The following GATB variants were observed in gnomAD, a reference collection of about 807,000 sequenced individuals.
GATB encodes the protein glutamyl-tRNA amidotransferase subunit B, also known as glutamyl-tRNA(Gln) amidotransferase subunit B, mitochondrial.
Under a neutral mutation model 62.3 loss-of-function variants are expected in GATB, and 39 were observed. The ratio of observed to expected loss-of-function variants is 0.63; its 90% CI spans 0.48 to 0.82. The LOEUF (loss-of-function observed/expected upper bound fraction) is 0.82. GATB is among the 40% of genes least tolerant of loss of function. The pLI is 0.00. For synonymous variants in GATB, 276 were observed against 258.9 expected (o/e 1.07, Z -0.63); for missense variants, 670 against 684.0 (o/e 0.98, Z 0.23).
At position 151,758,787 on chromosome 4, in the gene GATB, T is replaced by C; in HGVS notation, c.312A>G (p.Leu104=). ...NSLVSFFDAS[L]PGTLPVLNRR... is the part of the protein sequence containing the mutation. ...AGAATCTTACCGGCAAAGTTCCAGGTAGAGATGCATCAAAAAAAGAAACCA... is the reference window on the plus strand; with the variant it reads ...AGAATCTTACCGGCAAAGTTCCAGGCAGAGATGCATCAAAAAAAGAAACCA... The change falls in exon 2 of 13, where the codon CTA becomes CTG. Residue 104 remains leucine, a synonymous_variant. Coordinates refer to ENST00000263985, the MANE Select transcript of GATB (RefSeq NM_004564.3). 6.3e-7 allele frequency: 1 copy of C among 1,599,742 alleles called. No homozygotes were observed. Among genetic ancestry groups the C allele is most frequent in the South Asian group, 1.1e-5 (1 of 87,348 alleles).
At chr4:151,709,836 G>A (rs979914222) in intron 5 of GATB, among the ~76,000 whole-genome samples, 10 of 152,052 alleles carry the variant, frequency 6.6e-5, no homozygotes, top group Non-Finnish European at 8.8e-5. Flanking sequence ...AGCTCCTACC[G>A]GATTATCTGG....
intron 2 of GATB, among the ~76,000 whole-genome samples, chr4:151,747,243 C>A (rs1739620561): frequency 6.6e-6 from 1 of 152,064 alleles, no homozygotes; most frequent in African/African-American, 2.4e-5. Context: ...GGCCATGAGC[C>A]CATGTGATAG....
rs1560870298 is a variant in GATB at position 151,760,921 on chromosome 4, T to C, written c.62A>G (p.Asp21Gly). The change falls in exon 1 of 13, where the codon GAC (aspartate) becomes GGC (glycine). Residue 21 changes from aspartate to glycine, a missense_variant. Transcript: ENST00000263985. ...RGRRWAFARV[D>G]GGSCHRRGAP... ...CCCTCTTCGGTGGCAAGAACCACCG[T>C]CAACCCGGGCGAAAGCCCAACGTCT... The C allele has an allele frequency of 3.1e-6, 5 of 1,613,902 alleles. No individual in the cohort carries two copies. Among genetic ancestry groups the C allele is most frequent in the Non-Finnish European group, 4.2e-6 (5 of 1,179,962 alleles).
At chr4:151,706,226 A>C (rs889803245) in intron 6 of GATB, among the ~76,000 whole-genome samples, 2 of 152,210 alleles carry the variant, frequency 1.3e-5, no homozygotes, top group Non-Finnish European at 2.9e-5. Flanking sequence ...AATTGAACCC[A>C]TAGTAAAGCT....
chr4:151,740,158 C>A (rs961620706), intron 2 of GATB, among the ~76,000 whole-genome samples: 1 of 152,210 alleles, frequency 6.6e-6, no homozygotes, highest in Admixed American at 6.5e-5. Flanking sequence ...GGTTCTGACT[C>A]AAGACAGGAA....
rs762959415 is a variant in GATB at position 151,761,000 on chromosome 4, G to T, written c.-18C>A. On this transcript the variant is annotated 5_prime_UTR_variant, in exon 1 of 13. Coordinates refer to ENST00000263985, the MANE Select transcript of GATB (RefSeq NM_004564.3). ...GCCGCCATTGTAACTCCAGGGTCTT[G>T]GTCAGGTGACTCAGCCTCACTATGC... 1 of 1,596,654 alleles carries T rather than the reference G, an allele frequency of 6.3e-7. No homozygotes were observed.
At chr4:151,682,687 C>T (rs1438265691) in intron 10 of GATB, among the ~76,000 whole-genome samples, 2 of 151,972 alleles carry the variant, frequency 1.3e-5, no homozygotes, top group Non-Finnish European at 2.9e-5. Flanking sequence ...TCTACAACCA[C>T]CCCCGACCCC....
chr4:151,673,768 C>CG (rs1560838531), intron 11 of GATB: 1 of 152,174 alleles, frequency 6.6e-6, no homozygotes, highest in Admixed American at 6.5e-5. Context: ...AATTGGGAGC[C>CG]GGGAGGAGGG....
At chr4:151,756,739 T>C (rs964035929) in intron 2 of GATB, among the ~76,000 whole-genome samples, 2 of 152,230 alleles carry the variant, frequency 1.3e-5, no homozygotes, top group East Asian at 3.8e-4. Flanking sequence ...TTTTGGTGCA[T>C]GACAAGTTTT....
chr4:151,751,800 A>G (rs1560867162), intron 2 of GATB, among the ~76,000 whole-genome samples: 1 of 152,078 alleles, frequency 6.6e-6, no homozygotes. Flanking sequence ...TTATGTACCT[A>G]TTGCTCATTC....
Position 151,697,975 on chromosome 4 carries a change from A to G in GATB, c.1197+3354T>C, listed in dbSNP as rs866840692. Among the ~76,000 whole-genome samples the G allele has an allele frequency of 1.1e-3, 141 of 125,576 alleles. 5 individuals are homozygous for G. Among genetic ancestry groups the G allele is most frequent in the African/African-American group, 2.7e-3 (76 of 28,268 alleles). The allele number at this position is 125,576 out of a possible 152,430, so 82.4% of individuals were successfully genotyped here. On this transcript the variant is annotated intron_variant, in intron 9 of 12. Transcript: ENST00000263985. Reference sequence around the variant, plus strand: ...TGTGTATATATATATATATATATATATATATATATATATATATATGAAATG... The same window carrying G: ...TGTGTATATATATATATATATATATGTATATATATATATATATATGAAATG...
intron 5 of GATB, among the ~76,000 whole-genome samples, chr4:151,714,435 C>A (rs114633176): frequency 0.013 from 1,929 of 152,340 alleles, 40 homozygotes; most frequent in African/African-American, 0.044. Flanking sequence ...CCTGCAGACT[C>A]CAGGCAGACC....
rs1737828099 is a variant in GATB, at chr4:151,670,508, T to TTTAA, written c.*662_*665dup. 1 of 152,216 alleles carries TTTAA rather than the reference T, an allele frequency of 6.6e-6. No individual in the cohort carries two copies. Among genetic ancestry groups the TTTAA allele is most frequent in the Non-Finnish European group, 1.5e-5 (1 of 68,038 alleles). The allele number at this position is 152,216 out of a possible 1,614,324, so 9.4% of individuals were successfully genotyped here. The stretch of plus-strand genomic sequence containing the variant: ...TTAAATTTATTGGAAAACTTATTTT[T>TTTAA]TTAATTCATTTATTCTCAGACTGTG... On this transcript the variant is annotated 3_prime_UTR_variant, in exon 13 of 13. Transcript: ENST00000263985.
rs530893706 is a variant in GATB, at chr4:151,753,930, T to A, written c.327+4842A>T. 4.6e-5 allele frequency among the ~76,000 whole-genome samples: 7 copies of A among 152,312 alleles called. No individual in the cohort carries two copies. In the South Asian group the frequency reaches 1.5e-3, roughly 32 times the overall value. On this transcript the variant is annotated intron_variant, in intron 2 of 12. Transcript: ENST00000263985. ...CACTTCTTCCTCCATGCCATGACAT[T>A]TCTCAATCCACTGCCACCTACCTTC...
At position 151,758,793 on chromosome 4, in the gene GATB, T is replaced by C. The variant is rs1739890191; in HGVS notation, c.306A>G (p.Ala102=). Residue 102 remains alanine (A), a synonymous_variant, in exon 2 of 13, where the codon GCA becomes GCG. Transcript: ENST00000263985. ...PPNSLVSFFD[A]SLPGTLPVLN... ...TTACCGGCAAAGTTCCAGGTAGAGA[T>C]GCATCAAAAAAAGAAACCAAAGAAT... 12 of 1,602,792 alleles carry C rather than the reference T, an allele frequency of 7.5e-6. No individual in the cohort carries two copies. The highest frequency in any genetic ancestry group is 2.2e-5 in the East Asian group (1 of 44,580).
intron 1 of GATB, among the ~76,000 whole-genome samples, chr4:151,760,602 A>G (rs1431122693): frequency 6.6e-6 from 1 of 152,148 alleles, no homozygotes; most frequent in East Asian, 1.9e-4. Context: ...AACTACATCT[A>G]TTTGAAAACA....
At chr4:151,714,425 C>T (rs1050293011) in intron 5 of GATB, among the ~76,000 whole-genome samples, 1 of 152,226 alleles carries the variant, frequency 6.6e-6, no homozygotes, top group African/African-American at 2.4e-5. Context: ...GAGCTGGCTC[C>T]CTGCAGACTC....
At chr4:151,739,892 T>C (rs1218017220) in intron 2 of GATB, among the ~76,000 whole-genome samples, 1 of 152,154 alleles carries the variant, frequency 6.6e-6, no homozygotes, top group Admixed American at 6.5e-5. Flanking sequence ...CCTGCATGAG[T>C]TCTTCCTAAT....
chr4:151,746,228 GC>G, intron 2 of GATB, among the ~76,000 whole-genome samples: 1 of 152,214 alleles, frequency 6.6e-6, no homozygotes. Flanking sequence ...GTTTGCACAT[GC>G]ATAAATTTCA....
Sources: gnomAD v4.1 joint callset for allele counts (sites outside exome capture counted in the v4.1 genomes callset) on GRCh38, gnomAD v4.1.1 for gene constraint, MANE v1.5 for transcripts, NCBI Gene and HGNC (gene_info 2026-07-23, HGNC 2026-07-21) for gene names.